Variants in OLFM2 observed in about 807,000 individuals in gnomAD.
OLFM2 encodes olfactomedin 2, also known as noelin-2.
Under a neutral mutation model 43.9 loss-of-function variants are expected in OLFM2, and 20 were observed. The observed-to-expected ratio is 0.46, with a 90% CI of 0.32 to 0.66. The LOEUF is 0.66. OLFM2 is among the 30% of genes least tolerant of loss of function. OLFM2 has a pLI of 0.04. For synonymous variants in OLFM2, 268 were observed against 278.6 expected, an observed-to-expected ratio of 0.96 and a Z score of 0.38; for missense variants, 416 against 643.6, an observed-to-expected ratio of 0.65 and a Z score of 3.83.
intron 1 of OLFM2, among the ~76,000 whole-genome samples, chr19:9,907,699 A>C (rs2046796033): frequency 6.6e-6 from 1 of 151,824 alleles, no homozygotes; most frequent in Non-Finnish European, 1.5e-5. Context: ...GACAGACATG[A>C]ATGAGATAAA....
At chr19:9,859,797 CTTCCTT>C (rs2046353008) in intron 2 of OLFM2, among the ~76,000 whole-genome samples, 1 of 152,178 alleles carries the variant, frequency 6.6e-6, no homozygotes, top group Non-Finnish European at 1.5e-5. Context: ...TCCAGTCTTC[CTTCCTT>C]CCCCCCACCC....
intron 1 of OLFM2, among the ~76,000 whole-genome samples, chr19:9,914,711 C>G (rs2046861144): frequency 6.6e-6 from 1 of 152,084 alleles, no homozygotes; most frequent in South Asian, 2.1e-4. Context: ...AGCGCAGTGC[C>G]CTCGCCGCCC....
intron 1 of OLFM2, among the ~76,000 whole-genome samples, chr19:9,888,455 C>T (rs1221341098): frequency 1.4e-4 from 18 of 128,724 alleles, no homozygotes; most frequent in South Asian, 1.3e-3. Context: ...GCCTGGGGGG[C>T]GGAGGTTGCG....
chr19:9,911,914 C>T lies in OLFM2; in HGVS notation c.63+24390G>A, dbSNP rs113517261. ...CTTGTGTATAACAAACTCATATGCA[C>T]ACATGCAATCTTGTAACACAGGCAA... On this transcript the variant is annotated intron_variant, in intron 1 of 5. Coordinates refer to ENST00000264833, the MANE Select transcript of OLFM2 (RefSeq NM_058164.4). 9.5e-4 allele frequency among the ~76,000 whole-genome samples: 144 copies of T among 152,300 alleles called. 1 individual carries two copies. The highest frequency in any genetic ancestry group is 1.8e-3 in the Non-Finnish European group (122 of 68,034).
At chr19:9,932,045 G>A (rs1445039765) in intron 1 of OLFM2, among the ~76,000 whole-genome samples, 1 of 152,132 alleles carries the variant, frequency 6.6e-6, no homozygotes, top group Non-Finnish European at 1.5e-5. Context: ...TGTGTGTCAG[G>A]CTCTGCTCTA....
At chr19:9,891,525 T>A (rs1027654358) in intron 1 of OLFM2, among the ~76,000 whole-genome samples, 7 of 148,964 alleles carry the variant, frequency 4.7e-5, no homozygotes, top group South Asian at 4.2e-4. Flanking sequence ...CTTGGGAGGC[T>A]GAGGCAGGAG....
At chr19:9,860,511 G>T in intron 2 of OLFM2, 134 bp downstream of exon 2, 1 of 915,890 alleles carries the variant, frequency 1.1e-6, no homozygotes, top group Non-Finnish European at 1.6e-6. Flanking sequence ...CTGGAGAGGA[G>T]CTGGATTATC....
intron 1 of OLFM2, among the ~76,000 whole-genome samples, chr19:9,923,894 G>T (rs1236161809): frequency 4.0e-5 from 6 of 151,214 alleles, no homozygotes; most frequent in Admixed American, 1.3e-4. Flanking sequence ...GAGGTCAGGA[G>T]TTCGAGACCA....
At chr19:9,874,400 T>C (rs2145447704) in intron 1 of OLFM2, among the ~76,000 whole-genome samples, 1 of 147,206 alleles carries the variant, frequency 6.8e-6, no homozygotes, top group African/African-American at 2.5e-5. Context: ...CTCCTGACCT[T>C]AAGTGACCCT....
intron 1 of OLFM2, among the ~76,000 whole-genome samples, chr19:9,878,784 A>T (rs2046514030): frequency 2.0e-5 from 3 of 152,190 alleles, no homozygotes; most frequent in Admixed American, 6.6e-5. Flanking sequence ...ACAGGGTGTG[A>T]TAAGTGCCAC....
In OLFM2 at chr19:9,931,921, C is replaced by A. The variant is rs75953907; in HGVS notation, c.63+4383G>T. Among the ~76,000 whole-genome samples the A allele has an allele frequency of 1.3e-4, 20 of 152,168 alleles. No homozygotes were observed. The East Asian group carries it at 3.5e-3, about 26-fold the overall frequency. On this transcript the variant is annotated intron_variant, in intron 1 of 5. Transcript: ENST00000264833. ...CATCCAGGAGCGAGTGTTCCCCTGA[C>A]ACTCTCTTGATAAAAGAATCCTGTG...
intron 1 of OLFM2, among the ~76,000 whole-genome samples, chr19:9,881,459 A>G (rs2046539315): frequency 6.6e-6 from 1 of 152,074 alleles, no homozygotes. Flanking sequence ...GCCTTGACTG[A>G]GTATCCCAGG....
intron 1 of OLFM2, among the ~76,000 whole-genome samples, chr19:9,931,184 G>A (rs1458607840): frequency 6.6e-6 from 1 of 152,110 alleles, no homozygotes; most frequent in Non-Finnish European, 1.5e-5. Context: ...GGAGAACATC[G>A]TCTTACCCCT....
rs576452644 is a variant in OLFM2 at position 9,877,487 on chromosome 19, T to C, written c.64-16693A>G. Reference sequence around the variant, plus strand: ...GGCGGAGGTTGCGGTGAGCCAAGATTGTGCCATTGCACTCCAGCCTGGGCA... The same window carrying C: ...GGCGGAGGTTGCGGTGAGCCAAGATCGTGCCATTGCACTCCAGCCTGGGCA... On this transcript the variant is annotated intron_variant, in intron 1 of 5. Coordinates refer to ENST00000264833, the MANE Select transcript of OLFM2 (RefSeq NM_058164.4). 2.0e-5 allele frequency among the ~76,000 whole-genome samples: 3 copies of C among 150,812 alleles called. No homozygotes were observed. The East Asian group carries it at 5.9e-4, about 30-fold the overall frequency.
chr19:9,855,702 T>C (rs1163889043), intron 5 of OLFM2, among the ~76,000 whole-genome samples: 3 of 151,900 alleles, frequency 2.0e-5, no homozygotes, highest in Non-Finnish European at 4.4e-5. Flanking sequence ...GCCCAGCTTA[T>C]TTATTGTATC....
chr19:9,919,648 G>C (rs545931141), intron 1 of OLFM2, among the ~76,000 whole-genome samples: 1 of 148,308 alleles, frequency 6.7e-6, no homozygotes, highest in Non-Finnish European at 1.5e-5. Context: ...CACCTGGCTA[G>C]TTTTTGTATT....
chr19:9,870,378 A>G (rs531808634), intron 1 of OLFM2, among the ~76,000 whole-genome samples: 24 of 152,316 alleles, frequency 1.6e-4, no homozygotes, highest in African/African-American at 5.5e-4. Context: ...AGAAAGTCCA[A>G]CGAGGGAGAG....
chr19:9,910,430 G>A (rs866665828), intron 1 of OLFM2, among the ~76,000 whole-genome samples: 3 of 152,164 alleles, frequency 2.0e-5, no homozygotes, highest in African/African-American at 7.2e-5. Flanking sequence ...TGATAGTCTT[G>A]TGGAATAGGC....
chr19:9,854,093 CAG>C lies in OLFM2; in HGVS notation c.*91_*92del, dbSNP rs1008717570. On this transcript the variant is annotated 3_prime_UTR_variant, in exon 6 of 6. Transcript: ENST00000264833. This position sits in a 1 kb window ranked among gnomAD's most constrained non-coding sequence, Gnocchi z 9.5. ...GCGGGGAGAAAGGGCGTGACAGAGA[CAG>C]AGAGATCACCCTTGAGGGACACAGG... 4.2e-5 allele frequency: 49 copies of C among 1,153,846 alleles called. No individual in the cohort carries two copies. Among genetic ancestry groups the C allele is most frequent in the Non-Finnish European group, 6.1e-5 (48 of 787,450 alleles). 71.5% of individuals were successfully genotyped at this position (1,153,846 alleles called of 1,614,324 possible). A position where few individuals can be genotyped will look rare whatever the true frequency, so the allele number is the denominator to read the frequency against.
Sources: gnomAD v4.1 joint callset for allele counts (sites outside exome capture counted in the v4.1 genomes callset) on GRCh38, gnomAD v4.1.1 for gene constraint, Gnocchi (gnomAD v3.1) non-coding constraint, MANE v1.5 for transcripts, NCBI Gene and HGNC (gene_info 2026-07-23, HGNC 2026-07-21) for gene names.